Variants in FBXL17 observed in about 807,000 individuals in gnomAD.
FBXL17 encodes the protein F-box/LRR-repeat protein 17.
FBXL17 carries 22 observed loss-of-function variants against 66.2 expected under a neutral mutation model. The observed-to-expected ratio is 0.33, with a 90% confidence interval of 0.24 to 0.47. FBXL17 has a LOEUF of 0.47. Among genes scored for constraint, FBXL17 ranks in the 20% least tolerant of loss-of-function variants. FBXL17 has a pLI of 1.00. For missense variants in FBXL17, 878 were observed against 948.2 expected, an observed-to-expected ratio of 0.93 and a Z score of 0.97; for synonymous variants, 474 against 400.5, an observed-to-expected ratio of 1.18 and a Z score of -2.19.
At chr5:107,869,146 C>G (rs1463291928) in intron 8 of FBXL17, among the ~76,000 whole-genome samples, 2 of 152,226 alleles carry the variant, frequency 1.3e-5, no homozygotes, top group Admixed American at 6.5e-5. Context: ...TGGTCTGTCA[C>G]TCTTCACAGA....
intron 3 of FBXL17, among the ~76,000 whole-genome samples, chr5:108,350,549 A>G (rs1747577395): frequency 6.6e-6 from 1 of 152,178 alleles, no homozygotes; most frequent in Non-Finnish European, 1.5e-5. Flanking sequence ...GGCAATGCAA[A>G]TCATCAAAAA....
chr5:107,981,327 C>T (rs1752819018), intron 7 of FBXL17, among the ~76,000 whole-genome samples: 1 of 152,244 alleles, frequency 6.6e-6, no homozygotes, highest in East Asian at 1.9e-4. Flanking sequence ...ATCAGCCTAA[C>T]ATTTTCTTCT....
chr5:108,215,298 T>C (rs1003540337), intron 5 of FBXL17, among the ~76,000 whole-genome samples: 3 of 152,242 alleles, frequency 2.0e-5, no homozygotes, highest in South Asian at 4.1e-4. Context: ...CTGTTTTCCA[T>C]AGCAACTGCA....
At chr5:107,925,386 A>G (rs1016376297) in intron 7 of FBXL17, among the ~76,000 whole-genome samples, 1 of 152,176 alleles carries the variant, frequency 6.6e-6, no homozygotes, top group African/African-American at 2.4e-5. Flanking sequence ...TCTATGTAGC[A>G]GATGCTATCA....
intron 4 of FBXL17, among the ~76,000 whole-genome samples, chr5:108,240,891 A>G (rs183854664): frequency 1.3e-5 from 2 of 152,270 alleles, no homozygotes; most frequent in African/African-American, 4.8e-5. Flanking sequence ...AGAGAGATTG[A>G]TTCCATTTGT....
intron 6 of FBXL17, among the ~76,000 whole-genome samples, chr5:108,176,529 C>T (rs1211860444): frequency 1.3e-5 from 2 of 152,092 alleles, no homozygotes; most frequent in African/African-American, 4.8e-5. Flanking sequence ...AATAAATATT[C>T]ACATTATTCT....
At chr5:108,021,982 T>C (rs288168) in intron 6 of FBXL17, among the ~76,000 whole-genome samples, 23,997 of 151,878 alleles carry the variant, frequency 0.16, 2,295 homozygotes, top group South Asian at 0.43. Context: ...GTCTTTCCTA[T>C]ATTTTATTTG....
At chr5:108,025,423 A>G (rs1048730700) in intron 6 of FBXL17, among the ~76,000 whole-genome samples, 2 of 152,170 alleles carry the variant, frequency 1.3e-5, no homozygotes, top group East Asian at 1.9e-4. Context: ...AAACAACCCC[A>G]CAGATCTAAA....
At chr5:108,367,247 ACT>A (rs1748724184) in intron 2 of FBXL17, among the ~76,000 whole-genome samples, 1 of 151,856 alleles carries the variant, frequency 6.6e-6, no homozygotes, top group African/African-American at 2.4e-5. Context: ...AACACTACAA[ACT>A]CTTTTTTCCT....
chr5:108,263,040 T>G (rs1756902261), intron 4 of FBXL17, among the ~76,000 whole-genome samples: 1 of 152,182 alleles, frequency 6.6e-6, no homozygotes, highest in Non-Finnish European at 1.5e-5. Flanking sequence ...TTTTTAATTT[T>G]CCTCACCATC....
Position 108,381,241 on chromosome 5 carries a change from C to T in FBXL17, c.451G>A (p.Ala151Thr), listed in dbSNP as rs987221344. The T allele has an allele frequency of 2.8e-6, 4 of 1,443,528 alleles. No individual in the cohort carries two copies. The highest frequency in any genetic ancestry group is 1.5e-5 in the African/African-American group (1 of 67,658). 89.4% of individuals were successfully genotyped at this position (1,443,528 alleles called of 1,614,324 possible). A position where few individuals can be genotyped will look rare whatever the true frequency, so the allele number is the denominator to read the frequency against. ...AGACTTCGGCCCTGCTGCTCCCAGG[C>T]GGCGGCCGCAGCCAGCCCCAACTCT... ...CKELGLAAAA[A>T]WEQQGRSLFL... Residue 151 changes from alanine to threonine, a missense_variant, in exon 1 of 9, where the codon GCC becomes ACC. By Grantham distance (58) the Ala-to-Thr change is moderately conservative. Coordinates refer to ENST00000542267, the MANE Select transcript of FBXL17 (RefSeq NM_001163315.3).
intron 6 of FBXL17, among the ~76,000 whole-genome samples, chr5:108,071,511 T>C (rs774000393): frequency 6.6e-6 from 1 of 152,190 alleles, no homozygotes; most frequent in Non-Finnish European, 1.5e-5. Context: ...CAGATCTAAG[T>C]TGACAACCAA....
At position 107,861,649 on chromosome 5, in the gene FBXL17, T is replaced by A. The variant is rs1233976781; in HGVS notation, c.*71A>T. 4.3e-6 allele frequency: 6 copies of A among 1,379,742 alleles called. No homozygotes were observed. In the East Asian group the frequency reaches 1.3e-4, roughly 31 times the overall value. The allele number at this position is 1,379,742 out of a possible 1,614,324, so 85.5% of individuals were successfully genotyped here. On this transcript the variant is annotated 3_prime_UTR_variant, in exon 9 of 9. Coordinates refer to ENST00000542267, the MANE Select transcript of FBXL17 (RefSeq NM_001163315.3). ...TGACAGTTAAAACCCTTCCGAGAGATCAGCTCCCCAAATGTACAATTCTCC... is the reference window on the plus strand; with the variant it reads ...TGACAGTTAAAACCCTTCCGAGAGAACAGCTCCCCAAATGTACAATTCTCC...
At chr5:107,994,033 A>T (rs758194563) in intron 7 of FBXL17, among the ~76,000 whole-genome samples, 31 of 152,172 alleles carry the variant, frequency 2.0e-4, no homozygotes, top group Non-Finnish European at 4.3e-4. Context: ...AAATCATACT[A>T]AAATTATAAT....
At chr5:108,358,062 G>A (rs1748113743) in intron 3 of FBXL17, among the ~76,000 whole-genome samples, 1 of 151,936 alleles carries the variant, frequency 6.6e-6, no homozygotes, top group Admixed American at 6.6e-5. Context: ...TCACTTATTA[G>A]TTCAAATGGG....
At chr5:107,929,015 T>C (rs1039860646) in intron 7 of FBXL17, among the ~76,000 whole-genome samples, 2 of 152,124 alleles carry the variant, frequency 1.3e-5, no homozygotes, top group African/African-American at 4.8e-5. Context: ...TGCACTGCCA[T>C]TTTACCATTT....
chr5:107,908,216 CAACA>C (rs2112542655), intron 7 of FBXL17, among the ~76,000 whole-genome samples: 1 of 152,180 alleles, frequency 6.6e-6, no homozygotes, highest in Admixed American at 6.5e-5. Flanking sequence ...AACAAATAAC[CAACA>C]TGATTCTACC....
At chr5:108,374,777 T>G (rs1198002080) in intron 1 of FBXL17, among the ~76,000 whole-genome samples, 3 of 152,066 alleles carry the variant, frequency 2.0e-5, no homozygotes, top group African/African-American at 4.8e-5. Flanking sequence ...CATGAAAATT[T>G]AACAATCAAC....
intron 6 of FBXL17, among the ~76,000 whole-genome samples, chr5:108,049,631 T>A (rs933438406): frequency 1.3e-5 from 2 of 151,902 alleles, no homozygotes; most frequent in Non-Finnish European, 2.9e-5. Flanking sequence ...TACTGCAAAA[T>A]CACACCAAAA....
Sources: gnomAD v4.1 joint callset for allele counts (sites outside exome capture counted in the v4.1 genomes callset) on GRCh38, gnomAD v4.1.1 for gene constraint, MANE v1.5 for transcripts, NCBI Gene and HGNC (gene_info 2026-07-23, HGNC 2026-07-21) for gene names.